The following KRABD4 variants were observed in gnomAD, a reference collection of about 807,000 sequenced individuals.
KRABD4 encodes KRAB domain containing 4.
chrX:46,457,855 G>A, the KRABD4 span, among the ~76,000 whole-genome samples: 2 of 109,707 alleles, frequency 1.8e-5, no homozygotes, highest in East Asian at 2.8e-4. Context: ...CGATTCTCCC[G>A]CTCAGCCTCC....
the KRABD4 span, among the ~76,000 whole-genome samples, chrX:46,452,588 C>T: frequency 3.6e-5 from 4 of 112,104 alleles, no homozygotes; most frequent in African/African-American, 1.3e-4. Flanking sequence ...GATGGCAATA[C>T]CACTATTTAT....
the KRABD4 span, chrX:46,456,070 C>G: frequency 5.7e-6 from 2 of 352,533 alleles, no homozygotes; most frequent in Non-Finnish European, 1.1e-5. Context: ...GTCCAAGGCC[C>G]AGCTCCTTAA....
chrX:46,455,164 A>G, the KRABD4 span: 1 of 945,515 alleles, frequency 1.1e-6, no homozygotes, highest in Admixed American at 2.7e-5. Flanking sequence ...ATGATCACTA[A>G]GTAGAAGTTA....
At chrX:46,472,857 C>T in the KRABD4 span, 1 of 1,211,516 alleles carries the variant, frequency 8.3e-7, no homozygotes, top group Non-Finnish European at 1.1e-6. Context: ...TGAAAGCGGT[C>T]AAGAATCCAG....
the KRABD4 span, among the ~76,000 whole-genome samples, chrX:46,471,342 G>A: frequency 1.1e-3 from 123 of 111,081 alleles, no homozygotes; most frequent in Non-Finnish European, 1.8e-3. Flanking sequence ...GGTTTTCATG[G>A]TATATCTCCA....
chrX:46,473,226 A>C, the KRABD4 span: 2 of 1,178,484 alleles, frequency 1.7e-6, no homozygotes, highest in Non-Finnish European at 2.3e-6. Context: ...TTGTACATCA[A>C]AGAACTCACA....
chrX:46,448,749 C>G, the KRABD4 span: 1 of 112,861 alleles, frequency 8.9e-6, no homozygotes. Context: ...TCACAGCCAG[C>G]CACAGAGGAT....
chrX:46,453,428 A>T, the KRABD4 span, among the ~76,000 whole-genome samples: 5 of 92,300 alleles, frequency 5.4e-5, no homozygotes, highest in African/African-American at 2.1e-4. Context: ...ATATTGGTAT[A>T]ACTTTGCTTA....
chrX:46,469,247 G>A, the KRABD4 span, among the ~76,000 whole-genome samples: 1 of 112,311 alleles, frequency 8.9e-6, no homozygotes, highest in African/African-American at 3.2e-5. Flanking sequence ...AAAAAAGCCT[G>A]CAGGGGATTT....
chrX:46,461,836 C>G, the KRABD4 span, among the ~76,000 whole-genome samples: 4 of 111,441 alleles, frequency 3.6e-5, no homozygotes, highest in Non-Finnish European at 5.7e-5. Context: ...CTCTGTCAGC[C>G]CCAGGCAGGA....
At chrX:46,469,391 C>G in the KRABD4 span, among the ~76,000 whole-genome samples, 2 of 111,850 alleles carry the variant, frequency 1.8e-5, no homozygotes, top group Non-Finnish European at 3.8e-5. Context: ...ATGGATAGGT[C>G]TTGCACATAT....
the KRABD4 span, among the ~76,000 whole-genome samples, chrX:46,450,248 A>C: frequency 8.9e-6 from 1 of 112,007 alleles, no homozygotes; most frequent in Non-Finnish European, 1.9e-5. Flanking sequence ...CCAGTAAGGG[A>C]AACAAAATTT....
chrX:46,461,909 C>A, the KRABD4 span, among the ~76,000 whole-genome samples: 2 of 109,327 alleles, frequency 1.8e-5, no homozygotes, highest in Non-Finnish European at 3.8e-5. Flanking sequence ...CCCTGTGAGG[C>A]AGGCTTCCTC....
At chrX:46,465,268 C>G in the KRABD4 span, among the ~76,000 whole-genome samples, 4 of 112,925 alleles carry the variant, frequency 3.5e-5, no homozygotes, top group Non-Finnish European at 5.6e-5. Context: ...CTGACTTGTT[C>G]CAGTGTGGGA....
the KRABD4 span, among the ~76,000 whole-genome samples, chrX:46,461,318 G>A: frequency 2.7e-5 from 3 of 110,866 alleles, no homozygotes; most frequent in Non-Finnish European, 3.8e-5. Flanking sequence ...TATGGAACAG[G>A]TTAGGGCTTC....
At chrX:46,465,360 C>G in the KRABD4 span, among the ~76,000 whole-genome samples, 2 of 112,648 alleles carry the variant, frequency 1.8e-5, no homozygotes, top group African/African-American at 6.5e-5. Context: ...CATCCACATA[C>G]AAGTGGCTAA....
At chrX:46,462,446 G>T in the KRABD4 span, 1 of 273,850 alleles carries the variant, frequency 3.7e-6, no homozygotes, top group Non-Finnish European at 6.6e-6. Flanking sequence ...GGAGGCAGAG[G>T]TTGCAATGAG....
the KRABD4 span, among the ~76,000 whole-genome samples, chrX:46,449,250 G>A: frequency 9.0e-6 from 1 of 111,282 alleles, no homozygotes; most frequent in Admixed American, 9.5e-5. Context: ...CAGGCACGGT[G>A]GTTTTCAGCC....
At chrX:46,467,323 C>T in the KRABD4 span, among the ~76,000 whole-genome samples, 3 of 111,506 alleles carry the variant, frequency 2.7e-5, no homozygotes, top group Non-Finnish European at 3.8e-5. Flanking sequence ...GAGGCCAAGG[C>T]GAGCAGATTA....
Sources: allele counts gnomAD v4.1 joint callset (sites outside exome capture counted in the v4.1 genomes callset), GRCh38; gene constraint gnomAD v4.1.1; transcripts MANE v1.5; gene names NCBI Gene and HGNC (gene_info 2026-07-23, HGNC 2026-07-21).